Variants in HECW1 observed in about 807,000 individuals in gnomAD.
The protein encoded by HECW1 is HECT, C2 and WW domain containing E3 ubiquitin protein ligase 1.
HECW1 carries 61 observed loss-of-function variants against 182.3 expected under a neutral mutation model. The observed-to-expected ratio is 0.33, with a 90% CI of 0.27 to 0.41. The LOEUF is 0.41. HECW1 is among the 10% of genes least tolerant of loss of function. The probability of loss-of-function intolerance (pLI) is 1.00; values close to 1 mark genes in which losing one functional copy is unlikely to be tolerated. For synonymous variants in HECW1, 859 were observed against 832.6 expected (o/e 1.03, Z -0.55); for missense variants, 1,739 against 2,108.9 (o/e 0.82, Z 3.44).
intron 1 of HECW1, among the ~76,000 whole-genome samples, chr7:43,113,311 C>G (rs1784781645): frequency 6.6e-6 from 1 of 152,148 alleles, no homozygotes; most frequent in African/African-American, 2.4e-5. Flanking sequence ...ACGTAATCCC[C>G]CTTCCCAGCC....
At chr7:43,487,499 A>G (rs1038165228) in intron 17 of HECW1, among the ~76,000 whole-genome samples, 20 of 152,242 alleles carry the variant, frequency 1.3e-4, no homozygotes, top group African/African-American at 4.6e-4. Flanking sequence ...CAGGCCACCA[A>G]GGGCTCTCTC....
intron 5 of HECW1, among the ~76,000 whole-genome samples, chr7:43,322,638 A>T (rs950105405): frequency 6.6e-6 from 1 of 152,186 alleles, no homozygotes; most frequent in Admixed American, 6.5e-5. Flanking sequence ...ATCATTCAGC[A>T]TAGGAAATAT....
intron 29 of HECW1, 142 bp downstream of exon 29, chr7:43,554,932 G>A (rs2081969240): frequency 2.6e-6 from 2 of 755,278 alleles, no homozygotes; most frequent in Non-Finnish European, 4.2e-6. Flanking sequence ...TTAGGGAAAG[G>A]TGAAGGTGAG....
intron 2 of HECW1, among the ~76,000 whole-genome samples, chr7:43,210,579 C>A (rs533587638): frequency 6.6e-6 from 1 of 152,168 alleles, no homozygotes; most frequent in Non-Finnish European, 1.5e-5. Context: ...GGGTTCTTGG[C>A]CTCATGGATT....
intron 3 of HECW1, chr7:43,258,736 A>T (rs900425738): frequency 6.6e-6 from 1 of 152,222 alleles, no homozygotes. Context: ...GCCTGTGCTT[A>T]TAGAGTTGTT....
chr7:43,422,719 G>T (rs1462076292), intron 8 of HECW1, among the ~76,000 whole-genome samples: 1 of 152,020 alleles, frequency 6.6e-6, no homozygotes, highest in African/African-American at 2.4e-5. Context: ...TATATATACT[G>T]GTAGATTGTT....
chr7:43,238,723 G>A (rs937817015), intron 2 of HECW1, among the ~76,000 whole-genome samples: 7 of 152,148 alleles, frequency 4.6e-5, no homozygotes, highest in African/African-American at 1.7e-4. Context: ...AAAAGGAATA[G>A]CCCACTGGCT....
intron 2 of HECW1, among the ~76,000 whole-genome samples, chr7:43,219,520 G>A (rs987940671): frequency 6.6e-6 from 1 of 152,104 alleles, no homozygotes; most frequent in Non-Finnish European, 1.5e-5. Flanking sequence ...CTCTCCAAGT[G>A]AGCAATTCCT....
At chr7:43,499,567 T>C (rs1434125750) in intron 19 of HECW1, among the ~76,000 whole-genome samples, 1 of 152,114 alleles carries the variant, frequency 6.6e-6, no homozygotes, top group Non-Finnish European at 1.5e-5. Flanking sequence ...ACAGGATCTG[T>C]CTGTTTATTT....
intron 5 of HECW1, among the ~76,000 whole-genome samples, chr7:43,359,365 C>T (rs1815579486): frequency 6.6e-6 from 1 of 152,128 alleles, no homozygotes; most frequent in South Asian, 2.1e-4. Context: ...GAATGGATGC[C>T]GGGTAGGTAT....
chr7:43,416,630 C>T (rs933873905), intron 8 of HECW1, among the ~76,000 whole-genome samples: 1 of 149,338 alleles, frequency 6.7e-6, no homozygotes, highest in African/African-American at 2.5e-5. Flanking sequence ...CCCCCAGCCT[C>T]GCTGCCGCCT....
chr7:43,221,160 T>G (rs1230049652), intron 2 of HECW1, among the ~76,000 whole-genome samples: 1 of 152,176 alleles, frequency 6.6e-6, no homozygotes, highest in African/African-American at 2.4e-5. Flanking sequence ...TATCAGTTAG[T>G]AGGGTTAATT....
intron 26 of HECW1, among the ~76,000 whole-genome samples, chr7:43,542,729 T>A (rs1482252786): frequency 6.6e-6 from 1 of 152,192 alleles, no homozygotes; most frequent in African/African-American, 2.4e-5. Context: ...GATTGCTAGA[T>A]CATGTGGTAA....
chr7:43,426,273 A>G (rs985731948), intron 8 of HECW1, among the ~76,000 whole-genome samples: 1 of 152,248 alleles, frequency 6.6e-6, no homozygotes, highest in African/African-American at 2.4e-5. Context: ...CAAAATACAT[A>G]GAATACGGCA....
intron 2 of HECW1, among the ~76,000 whole-genome samples, chr7:43,147,857 G>T (rs1788885157): frequency 6.6e-6 from 1 of 152,184 alleles, no homozygotes; most frequent in Non-Finnish European, 1.5e-5. Flanking sequence ...CTACTAGACA[G>T]CACTTAGCAT....
At position 43,433,035 on chromosome 7, in the gene HECW1, C is replaced by G. The variant is rs2076601562; in HGVS notation, c.802-4968C>G. Among the ~76,000 whole-genome samples the G allele has an allele frequency of 1.3e-5, 2 of 152,178 alleles. 1 individual carries two copies. The highest frequency in any genetic ancestry group is 4.1e-4 in the South Asian group (2 of 4,824). ...ATAGGAGCACATCAGTGGTTTTCAACAAGGGTGATTTTGTCTCCCCAAAGG... is the reference window on the plus strand; with the variant it reads ...ATAGGAGCACATCAGTGGTTTTCAAGAAGGGTGATTTTGTCTCCCCAAAGG... On this transcript the variant is annotated intron_variant, in intron 8 of 29. Transcript: ENST00000395891.
At chr7:43,230,479 A>C (rs550670449) in intron 2 of HECW1, among the ~76,000 whole-genome samples, 21 of 152,294 alleles carry the variant, frequency 1.4e-4, no homozygotes, top group Non-Finnish European at 2.9e-4. Flanking sequence ...TGCATCTTGG[A>C]TTTTTCTTTT....
intron 2 of HECW1, among the ~76,000 whole-genome samples, chr7:43,149,290 A>T (rs1206718144): frequency 1.3e-5 from 2 of 152,216 alleles, no homozygotes; most frequent in Non-Finnish European, 2.9e-5. Flanking sequence ...TCCAGATATG[A>T]TGCACTGAGA....
At chr7:43,209,205 A>G (rs982462530) in intron 2 of HECW1, among the ~76,000 whole-genome samples, 1 of 152,026 alleles carries the variant, frequency 6.6e-6, no homozygotes, top group African/African-American at 2.4e-5. Flanking sequence ...AATCTTGCCC[A>G]TGATCGCCAT....
Sources: gnomAD v4.1 joint callset for allele counts (sites outside exome capture counted in the v4.1 genomes callset) on GRCh38, gnomAD v4.1.1 for gene constraint, MANE v1.5 for transcripts, NCBI Gene and HGNC (gene_info 2026-07-23, HGNC 2026-07-21) for gene names.